The following TMEFF2 variants were observed in gnomAD, a reference collection of about 807,000 sequenced individuals.
TMEFF2 encodes tomoregulin-2.
TMEFF2 carries 28 observed loss-of-function variants against 53.8 expected under a neutral mutation model. That is an observed-to-expected ratio of 0.52 (90% confidence interval 0.39 to 0.71). The LOEUF is 0.71. TMEFF2 is among the 30% of genes least tolerant of loss of function. TMEFF2 has a pLI of 0.00. For synonymous variants in TMEFF2, 162 were observed against 166.3 expected (o/e 0.97, Z 0.20); for missense variants, 353 against 455.2 (o/e 0.78, Z 2.04).
intron 4 of TMEFF2, among the ~76,000 whole-genome samples, chr2:192,171,377 T>C (rs1690909372): frequency 6.6e-6 from 1 of 152,000 alleles, no homozygotes; most frequent in African/African-American, 2.4e-5. Flanking sequence ...CAGGTCTCCC[T>C]GCTTTCTCCC....
rs116172262 is a variant in TMEFF2, at chr2:192,079,476, T to C, written c.440-21701A>G. Among the ~76,000 whole-genome samples the C allele has an allele frequency of 3.5e-3, 538 of 152,282 alleles. 2 individuals carry two copies. Among genetic ancestry groups the C allele is most frequent in the Middle Eastern group, 0.017 (5 of 294 alleles). ...CAGAGGACCCAACAGAATTAAATAATAGAAAAAACATGGATCTCTGAGTGA... is the reference window on the plus strand; with the variant it reads ...CAGAGGACCCAACAGAATTAAATAACAGAAAAAACATGGATCTCTGAGTGA... On this transcript the variant is annotated intron_variant, in intron 4 of 9. Coordinates refer to ENST00000272771, the MANE Select transcript of TMEFF2 (RefSeq NM_016192.4).
At chr2:192,075,018 T>C (rs774298195) in intron 4 of TMEFF2, among the ~76,000 whole-genome samples, 3 of 151,544 alleles carry the variant, frequency 2.0e-5, no homozygotes, top group Non-Finnish European at 4.4e-5. Context: ...AAAAACATAC[T>C]CATTGTATCC....
chr2:192,051,724 GGGCAGGTTGCCAATAA>G (rs1305308767), intron 5 of TMEFF2, among the ~76,000 whole-genome samples: 1 of 152,072 alleles, frequency 6.6e-6, no homozygotes, highest in Admixed American at 6.5e-5. Flanking sequence ...CATTAAATGT[GGGCAGGTTGCCAATAA>G]CACACAATCT....
chr2:192,039,841 G>A (rs916135140), intron 5 of TMEFF2, among the ~76,000 whole-genome samples: 2 of 152,058 alleles, frequency 1.3e-5, no homozygotes, highest in Non-Finnish European at 2.9e-5. Flanking sequence ...ATCTCTGGCT[G>A]AGATTATTGA....
intron 4 of TMEFF2, among the ~76,000 whole-genome samples, chr2:192,173,819 A>G (rs1690973054): frequency 1.3e-5 from 2 of 151,808 alleles, no homozygotes; most frequent in Admixed American, 6.6e-5. Flanking sequence ...CCCACCATCA[A>G]TACTTTAAGC....
chr2:192,081,669 C>T (rs554933130), intron 4 of TMEFF2, among the ~76,000 whole-genome samples: 6 of 151,930 alleles, frequency 3.9e-5, no homozygotes, highest in Admixed American at 2.6e-4. Flanking sequence ...TGTTTGCTTA[C>T]CATATGGGCA....
chr2:192,054,501 C>A (rs2105899884), intron 5 of TMEFF2, among the ~76,000 whole-genome samples: 1 of 152,228 alleles, frequency 6.6e-6, no homozygotes, highest in South Asian at 2.1e-4. Context: ...CTTTCTGGTG[C>A]CACTATCCTT....
At chr2:192,059,523 G>C (rs1687993657) in intron 4 of TMEFF2, among the ~76,000 whole-genome samples, 1 of 152,134 alleles carries the variant, frequency 6.6e-6, no homozygotes. Context: ...GTGTTAGCAA[G>C]ATTAGCAACT....
At chr2:192,173,782 G>A (rs1015917050) in intron 4 of TMEFF2, among the ~76,000 whole-genome samples, 11 of 151,680 alleles carry the variant, frequency 7.3e-5, no homozygotes, top group African/African-American at 2.7e-4. Context: ...ACTAGAAACT[G>A]TATTGGATTC....
At chr2:192,139,101 G>C (rs2105987695) in intron 4 of TMEFF2, among the ~76,000 whole-genome samples, 1 of 152,204 alleles carries the variant, frequency 6.6e-6, no homozygotes, top group East Asian at 1.9e-4. Flanking sequence ...CATATGAAGG[G>C]AAGAACATAT....
Position 192,194,536 on chromosome 2 carries a change from G to A in TMEFF2, c.-12C>T. ...TCCCACAGCACCATGACTAGTTCGTGCAACTCTGCAGCAGCAAACGGCTTC... is the reference window on the plus strand; with the variant it reads ...TCCCACAGCACCATGACTAGTTCGTACAACTCTGCAGCAGCAAACGGCTTC... On this transcript the variant is annotated 5_prime_UTR_variant, in exon 1 of 10. Coordinates refer to ENST00000272771, the MANE Select transcript of TMEFF2 (RefSeq NM_016192.4). The surrounding 1 kb of genome is among the most constrained non-coding windows in gnomAD (Gnocchi z 4.2). 1.2e-6 allele frequency: 2 copies of A among 1,610,352 alleles called. No homozygotes were observed. Among genetic ancestry groups the A allele is most frequent in the Non-Finnish European group, 1.7e-6 (2 of 1,178,118 alleles).
chr2:192,058,731 T>A (rs953807515), intron 4 of TMEFF2, among the ~76,000 whole-genome samples: 5 of 152,120 alleles, frequency 3.3e-5, no homozygotes, highest in African/African-American at 9.7e-5. Context: ...ATAGATAATA[T>A]AATTCCATAC....
chr2:191,967,005 G>C (rs1004724640), intron 7 of TMEFF2, among the ~76,000 whole-genome samples: 1 of 150,634 alleles, frequency 6.6e-6, no homozygotes, highest in Non-Finnish European at 1.5e-5. Flanking sequence ...TAAAATTCTC[G>C]ATGAAAACTG....
At chr2:192,075,302 T>TAAATATATATAA (rs1258473625) in intron 4 of TMEFF2, among the ~76,000 whole-genome samples, 2 of 38,088 alleles carry the variant, frequency 5.3e-5, no homozygotes, top group African/African-American at 8.0e-5. Flanking sequence ...TATATATATA[T>TAAATATATATAA]ATATATATAT....
chr2:192,141,610 G>T (rs1055416886), intron 4 of TMEFF2, among the ~76,000 whole-genome samples: 3 of 152,086 alleles, frequency 2.0e-5, no homozygotes, highest in Non-Finnish European at 4.4e-5. Context: ...ACCCTGAACA[G>T]AAAGTTGTTT....
chr2:192,060,632 A>C (rs1440007929), intron 4 of TMEFF2, among the ~76,000 whole-genome samples: 1 of 152,144 alleles, frequency 6.6e-6, no homozygotes, highest in Admixed American at 6.5e-5. Context: ...AAAGCTTGAA[A>C]ACCACTGATT....
chr2:192,164,119 C>T (rs756464639), intron 4 of TMEFF2, among the ~76,000 whole-genome samples: 19 of 152,144 alleles, frequency 1.2e-4, no homozygotes, highest in Admixed American at 2.6e-4. Flanking sequence ...AAATATAAAC[C>T]GGATTATATT....
Position 192,143,297 on chromosome 2 carries a change from A to C in TMEFF2, c.439+36371T>G, listed in dbSNP as rs377529896. Reference sequence around the variant, plus strand: ...GAACTGGGCATTTGAAAGCTGCTCAAATTCTACCCTGAAAGAGTGGTCTAC... The same window carrying C: ...GAACTGGGCATTTGAAAGCTGCTCACATTCTACCCTGAAAGAGTGGTCTAC... On this transcript the variant is annotated intron_variant, in intron 4 of 9. Coordinates refer to ENST00000272771, the MANE Select transcript of TMEFF2 (RefSeq NM_016192.4). 5.3e-5 allele frequency among the ~76,000 whole-genome samples: 8 copies of C among 152,278 alleles called. No homozygotes were observed. The East Asian group carries it at 9.6e-4, about 18-fold the overall frequency.
chr2:192,058,105 C>T (rs1559107403), intron 4 of TMEFF2, among the ~76,000 whole-genome samples: 1 of 152,170 alleles, frequency 6.6e-6, no homozygotes, highest in Non-Finnish European at 1.5e-5. Context: ...TAAATTTTCA[C>T]CTCTCTGAGG....
Sources: allele counts gnomAD v4.1 joint callset (sites outside exome capture counted in the v4.1 genomes callset), GRCh38; gene constraint gnomAD v4.1.1; non-coding constraint Gnocchi (gnomAD v3.1); transcripts MANE v1.5; gene names NCBI Gene and HGNC (gene_info 2026-07-23, HGNC 2026-07-21).